The following CFAP77 variants were observed in gnomAD, a reference collection of about 807,000 sequenced individuals.
The protein encoded by CFAP77 is cilia and flagella associated protein 77, also known as cilia- and flagella-associated protein 77.
A neutral mutation model predicts 31.1 loss-of-function variants in CFAP77; 25 were observed. That is an observed-to-expected ratio of 0.80 (90% confidence interval 0.59 to 1.12). The LOEUF is 1.12. CFAP77 is among the 50% of genes most tolerant of loss of function. The pLI is 0.00. For synonymous variants in CFAP77, 151 were observed against 159.9 expected, an observed-to-expected ratio of 0.94 and a Z score of 0.42; for missense variants, 377 against 397.3, an observed-to-expected ratio of 0.95 and a Z score of 0.44.
At chr9:132,411,259 G>A (rs1461768703) in intron 1 of CFAP77, among the ~76,000 whole-genome samples, 2 of 152,162 alleles carry the variant, frequency 1.3e-5, no homozygotes, top group African/African-American at 4.8e-5. Flanking sequence ...AGGGCAGTGC[G>A]CCTTTAAAAA....
At chr9:132,411,762 G>A (rs1301837295) in intron 1 of CFAP77, among the ~76,000 whole-genome samples, 3 of 152,106 alleles carry the variant, frequency 2.0e-5, no homozygotes, top group Non-Finnish European at 2.9e-5. Context: ...CAAGTAGTTA[G>A]TAGTGAGCCA....
In CFAP77 at chr9:132,424,051, C is replaced by G. The variant is rs972782139; in HGVS notation, c.195+13585C>G. ...AATTCACATCACACACGTGCACCTA[C>G]GGCCAGAAGTTGACTGCACAAGGCT... is the stretch of plus-strand genomic sequence containing the variant. On this transcript the variant is annotated intron_variant, in intron 1 of 5. Coordinates refer to ENST00000393216, the MANE Select transcript of CFAP77 (RefSeq NM_001282957.2). The surrounding 1 kb of genome is among the most constrained non-coding windows in gnomAD (Gnocchi z 4.1). Among the ~76,000 whole-genome samples, 1 of 152,178 alleles carries G rather than the reference C, an allele frequency of 6.6e-6. No individual in the cohort carries two copies. Among genetic ancestry groups the G allele is most frequent in the Non-Finnish European group, 1.5e-5 (1 of 68,038 alleles).
At chr9:132,537,221 A>C (rs751127431) in intron 3 of CFAP77, among the ~76,000 whole-genome samples, 2 of 152,104 alleles carry the variant, frequency 1.3e-5, no homozygotes, top group Non-Finnish European at 2.9e-5. Flanking sequence ...GGTGCAGGTG[A>C]GGAACTTAAT....
chr9:132,504,129 A>C (rs1851896812), intron 3 of CFAP77, among the ~76,000 whole-genome samples: 1 of 152,220 alleles, frequency 6.6e-6, no homozygotes, highest in Non-Finnish European at 1.5e-5. Context: ...AATAGAAAGA[A>C]GTTAAGAGAG....
Position 132,498,978 on chromosome 9 carries a change from G to T in CFAP77, c.295+184G>T, listed in dbSNP as rs1851792361. ...AAGTGGCCCAGATGGGGAGGGCCAA[G>T]CAGGGCCCTGGTGTGCGGTGTCAGG... On this transcript the variant is annotated intron_variant, in intron 2 of 5. Transcript: ENST00000393216. The surrounding 1 kb of genome is among the most constrained non-coding windows in gnomAD (Gnocchi z 4.2). Among the ~76,000 whole-genome samples the T allele has an allele frequency of 6.6e-6, 1 of 152,206 alleles. No individual in the cohort carries two copies. The highest frequency in any genetic ancestry group is 1.5e-5 in the Non-Finnish European group (1 of 68,032).
rs1381171877 is a variant in CFAP77, at chr9:132,498,865, T to C, written c.295+71T>C. The stretch of plus-strand genomic sequence containing the variant: ...GGCTCACCCCTCTTCACAGACCCCT[T>C]GACCTAGCTCGCTGCTTGGCAGCTG... On this transcript the variant is annotated intron_variant, in intron 2 of 5. Coordinates refer to ENST00000393216, the MANE Select transcript of CFAP77 (RefSeq NM_001282957.2). The surrounding 1 kb of genome is among the most constrained non-coding windows in gnomAD (Gnocchi z 4.2). 3.6e-6 allele frequency: 4 copies of C among 1,116,654 alleles called. No individual in the cohort carries two copies. Among genetic ancestry groups the C allele is most frequent in the Non-Finnish European group, 5.3e-6 (4 of 758,706 alleles). The allele number at this position is 1,116,654 out of a possible 1,614,324, so 69.2% of individuals were successfully genotyped here. A position where few individuals can be genotyped will look rare whatever the true frequency, so the allele number is the denominator to read the frequency against.
At chr9:132,462,598 G>A (rs1256819129) in intron 1 of CFAP77, among the ~76,000 whole-genome samples, 1 of 152,108 alleles carries the variant, frequency 6.6e-6, no homozygotes, top group Non-Finnish European at 1.5e-5. Flanking sequence ...TGGATCACCT[G>A]AGGTCAGGAG....
chr9:132,485,790 T>G (rs1851530066), intron 1 of CFAP77, among the ~76,000 whole-genome samples: 1 of 151,266 alleles, frequency 6.6e-6, no homozygotes, highest in African/African-American at 2.4e-5. Flanking sequence ...ACAGTTCCCA[T>G]TTATTGGGCA....
At chr9:132,557,336 G>A (rs896728223) in intron 5 of CFAP77, among the ~76,000 whole-genome samples, 6 of 152,218 alleles carry the variant, frequency 3.9e-5, no homozygotes, top group African/African-American at 1.4e-4. Flanking sequence ...CGGCTTCCCG[G>A]CCTCCCGGTG....
intron 3 of CFAP77, among the ~76,000 whole-genome samples, chr9:132,530,671 C>A (rs1039623436): frequency 5.3e-5 from 8 of 152,068 alleles, no homozygotes; most frequent in African/African-American, 1.4e-4. Context: ...GATACGAGTC[C>A]TTTGCCAGAT....
At chr9:132,468,147 AG>A (rs1851187039) in intron 1 of CFAP77, among the ~76,000 whole-genome samples, 1 of 152,114 alleles carries the variant, frequency 6.6e-6, no homozygotes, top group South Asian at 2.1e-4. Flanking sequence ...GTTCGAGACC[AG>A]CCTGGTCAAC....
At chr9:132,472,813 G>A (rs970038179) in intron 1 of CFAP77, among the ~76,000 whole-genome samples, 2 of 152,148 alleles carry the variant, frequency 1.3e-5, no homozygotes, top group Admixed American at 6.5e-5. Flanking sequence ...GATTAACTCA[G>A]TGTTTGCTGT....
chr9:132,468,362 A>C (rs1357407539), intron 1 of CFAP77, among the ~76,000 whole-genome samples: 1 of 152,110 alleles, frequency 6.6e-6, no homozygotes, highest in East Asian at 1.9e-4. Flanking sequence ...AAAAAACCAC[A>C]GATTAGAACC....
intron 3 of CFAP77, among the ~76,000 whole-genome samples, chr9:132,537,190 C>G (rs1392718269): frequency 6.6e-6 from 1 of 151,984 alleles, no homozygotes; most frequent in Non-Finnish European, 1.5e-5. Flanking sequence ...TAAAGGCAGG[C>G]CAAGGTCATC....
intron 1 of CFAP77, among the ~76,000 whole-genome samples, chr9:132,425,529 CGTG>C (rs1388646540): frequency 2.6e-5 from 4 of 152,074 alleles, no homozygotes; most frequent in Non-Finnish European, 5.9e-5. Context: ...AACAAAGAAG[CGTG>C]ATGCCTTTGG....
At chr9:132,557,641 C>G (rs1295811815) in intron 5 of CFAP77, among the ~76,000 whole-genome samples, 4 of 152,222 alleles carry the variant, frequency 2.6e-5, no homozygotes, top group African/African-American at 7.2e-5. Context: ...CCCAAGCTGA[C>G]TATGGGAACT....
At chr9:132,426,647 G>A (rs904196504) in intron 1 of CFAP77, among the ~76,000 whole-genome samples, 4 of 152,120 alleles carry the variant, frequency 2.6e-5, no homozygotes, top group South Asian at 2.1e-4. Flanking sequence ...AAGCAGCAAC[G>A]GAACCTGAGG....
intron 1 of CFAP77, among the ~76,000 whole-genome samples, chr9:132,442,061 T>A (rs150064870): frequency 5.8e-4 from 88 of 152,302 alleles, no homozygotes; most frequent in African/African-American, 2.1e-3. Flanking sequence ...CCTACTACTA[T>A]GTGCCAGGAG....
intron 1 of CFAP77, among the ~76,000 whole-genome samples, chr9:132,485,739 C>T (rs1031412086): frequency 2.0e-5 from 3 of 151,932 alleles, no homozygotes; most frequent in Admixed American, 6.6e-5. Flanking sequence ...CGGTGAGCTT[C>T]ATCCCTCCGT....
Sources: gnomAD v4.1 joint callset for allele counts (sites outside exome capture counted in the v4.1 genomes callset) on GRCh38, gnomAD v4.1.1 for gene constraint, Gnocchi (gnomAD v3.1) non-coding constraint, MANE v1.5 for transcripts, NCBI Gene and HGNC (gene_info 2026-07-23, HGNC 2026-07-21) for gene names.